CCNY: variants seen among roughly 807,000 people sequenced by gnomAD.
CCNY encodes the protein cyclin Y.
CCNY carries 19 observed loss-of-function variants against 42.8 expected under a neutral mutation model. The ratio of observed to expected loss-of-function variants is 0.44; its 90% CI spans 0.31 to 0.65. The LOEUF is 0.65. CCNY is among the 30% of genes least tolerant of loss of function. The pLI, the probability that CCNY is intolerant of heterozygous loss-of-function variation, is 0.07. For missense variants in CCNY, 370 were observed against 437.3 expected (o/e 0.85, Z 1.37); for synonymous variants, 165 against 162.7 (o/e 1.01, Z -0.11).
chr10:35,563,456 A>G (rs917566326), intron 8 of CCNY, among the ~76,000 whole-genome samples: 1 of 152,128 alleles, frequency 6.6e-6, no homozygotes, highest in Non-Finnish European at 1.5e-5. Context: ...TTGGGAGAAT[A>G]CGCTTTGCAG....
At chr10:35,473,610 T>G (rs1229797274) in intron 1 of CCNY, among the ~76,000 whole-genome samples, 1 of 152,200 alleles carries the variant, frequency 6.6e-6, no homozygotes, top group Non-Finnish European at 1.5e-5. Context: ...GTGTTTAGAT[T>G]ATTACTTTAA....
chr10:35,406,201 TTTTATTTATTTATTTATTTA>T (rs34172154), intron 1 of CCNY, among the ~76,000 whole-genome samples: 10 of 124,394 alleles, frequency 8.0e-5, no homozygotes, highest in African/African-American at 1.9e-4. Flanking sequence ...TTCTTTTTTA[TTTTATTTATTTATTTATTTA>T]TTTATTTATT....
intron 3 of CCNY, among the ~76,000 whole-genome samples, chr10:35,282,720 CAAAA>C (rs71033390): frequency 2.3e-5 from 2 of 88,256 alleles, no homozygotes; most frequent in Non-Finnish European, 4.7e-5. Flanking sequence ...GAGACTGTCT[CAAAA>C]AAAAAAAAAA....
intron 1 of CCNY, among the ~76,000 whole-genome samples, chr10:35,396,981 CT>C (rs1243602723): frequency 6.6e-6 from 1 of 152,146 alleles, no homozygotes; most frequent in Non-Finnish European, 1.5e-5. Context: ...ATTTTTCTGC[CT>C]GTTACAGTTC....
chr10:35,439,879 T>C (rs1210463747), intron 1 of CCNY, among the ~76,000 whole-genome samples: 1 of 152,158 alleles, frequency 6.6e-6, no homozygotes. Context: ...ACTGAGGGGA[T>C]GTGGCTGGGG....
intron 1 of CCNY, among the ~76,000 whole-genome samples, chr10:35,465,328 C>T (rs1839235851): frequency 6.6e-6 from 1 of 152,172 alleles, no homozygotes; most frequent in South Asian, 2.1e-4. Flanking sequence ...TAGTTTTAAC[C>T]AGCATTGTTG....
In CCNY at chr10:35,482,750, G is replaced by GT. The variant is rs1491378295; in HGVS notation, c.155-653dup. Among the ~76,000 whole-genome samples, 13 of 2,908 alleles carry GT rather than the reference G, an allele frequency of 4.5e-3. No homozygotes were observed. The South Asian group carries it at 0.11, about 26-fold the overall frequency. 1.9% of individuals were successfully genotyped at this position (2,908 alleles called of 152,430 possible). On this transcript the variant is annotated intron_variant, in intron 1 of 9. Coordinates refer to ENST00000374704, the MANE Select transcript of CCNY (RefSeq NM_145012.6). ...ATTTCTCAAGGGAAGCTGGAAATAGGTGTGTGTGTGTGTGTGTGTGTGTGT... is the reference window on the plus strand; with the variant it reads ...ATTTCTCAAGGGAAGCTGGAAATAGGTTGTGTGTGTGTGTGTGTGTGTGTGT...
At chr10:35,365,523 T>C (rs778053294) in intron 1 of CCNY, among the ~76,000 whole-genome samples, 1 of 152,250 alleles carries the variant, frequency 6.6e-6, no homozygotes, top group Non-Finnish European at 1.5e-5. Flanking sequence ...TTCTCATTTA[T>C]TTGTATGTTA....
At chr10:35,255,635 C>G (rs564957495) in intron 3 of CCNY, among the ~76,000 whole-genome samples, 1 of 152,106 alleles carries the variant, frequency 6.6e-6, no homozygotes, top group Admixed American at 6.6e-5. Flanking sequence ...CTCTCTGCCG[C>G]CCAGGCTGGA....
At chr10:35,273,406 T>C (rs905158036) in intron 3 of CCNY, among the ~76,000 whole-genome samples, 4 of 152,062 alleles carry the variant, frequency 2.6e-5, no homozygotes, top group Admixed American at 2.6e-4. Context: ...GGTTTCATCA[T>C]GCTGGCCAGG....
At chr10:35,459,057 A>C (rs1390724661) in intron 1 of CCNY, among the ~76,000 whole-genome samples, 1 of 152,242 alleles carries the variant, frequency 6.6e-6, no homozygotes, top group Non-Finnish European at 1.5e-5. Flanking sequence ...TCTGCTTAGC[A>C]TGTGGAGGGA....
chr10:35,315,133 G>A (rs1835739802), intron 3 of CCNY: 1 of 152,088 alleles, frequency 6.6e-6, no homozygotes, highest in African/African-American at 2.4e-5. Context: ...TAGTTTCAGG[G>A]ATACATGTGC....
chr10:35,294,001 G>T (rs777584611), intron 3 of CCNY, among the ~76,000 whole-genome samples: 3 of 152,092 alleles, frequency 2.0e-5, no homozygotes, highest in Non-Finnish European at 4.4e-5. Flanking sequence ...TGTTGGTCAG[G>T]CTGGTCTCGA....
intron 1 of CCNY, among the ~76,000 whole-genome samples, chr10:35,420,801 G>A (rs1380324330): frequency 7.9e-5 from 12 of 152,142 alleles, no homozygotes; most frequent in Non-Finnish European, 1.6e-4. Flanking sequence ...GAATGTGAAC[G>A]GAGACTAATT....
At chr10:35,414,554 T>C (rs1338471443) in intron 1 of CCNY, among the ~76,000 whole-genome samples, 2 of 152,176 alleles carry the variant, frequency 1.3e-5, no homozygotes, top group Non-Finnish European at 1.5e-5. Flanking sequence ...CACAGGCCCC[T>C]CTCGCACTTA....
chr10:35,541,952 C>T (rs1841010235), intron 7 of CCNY, among the ~76,000 whole-genome samples: 1 of 150,656 alleles, frequency 6.6e-6, no homozygotes, highest in Non-Finnish European at 1.5e-5. Context: ...TACCCAGCAT[C>T]CCTTTTTTTC....
chr10:35,260,091 C>A (rs1455507128), intron 3 of CCNY, among the ~76,000 whole-genome samples: 2 of 152,054 alleles, frequency 1.3e-5, no homozygotes. Flanking sequence ...CTACTTCCAC[C>A]TTCAGTGCCT....
At chr10:35,525,495 C>T (rs1305282450) in intron 4 of CCNY, among the ~76,000 whole-genome samples, 2 of 152,036 alleles carry the variant, frequency 1.3e-5, no homozygotes, top group Non-Finnish European at 2.9e-5. Context: ...ATAACTTGAG[C>T]GGATTGCCAA....
intron 5 of CCNY, 99 bp from the exon 6 acceptor site, chr10:35,529,874 A>G: frequency 1.9e-6 from 2 of 1,044,796 alleles, no homozygotes; most frequent in East Asian, 5.8e-5. Flanking sequence ...CGTATCCCAA[A>G]AAAAAAAAAA....
Sources: gnomAD v4.1 joint callset for allele counts (sites outside exome capture counted in the v4.1 genomes callset) on GRCh38, gnomAD v4.1.1 for gene constraint, MANE v1.5 for transcripts, NCBI Gene and HGNC (gene_info 2026-07-23, HGNC 2026-07-21) for gene names.